The following PDSS2 variants were observed in gnomAD, a reference collection of about 807,000 sequenced individuals.
The protein encoded by PDSS2 is decaprenyl diphosphate synthase subunit 2.
Under a neutral mutation model 44.5 loss-of-function variants are expected in PDSS2, and 31 were observed. The observed-to-expected ratio is 0.70, with a 90% confidence interval of 0.52 to 0.94. PDSS2 has a LOEUF of 0.94. Among genes scored for constraint, PDSS2 ranks in the 40% least tolerant of loss-of-function variants. The pLI, the probability that PDSS2 is intolerant of heterozygous loss-of-function variation, is 0.00. For missense variants in PDSS2, 452 were observed against 482.2 expected (o/e 0.94, Z 0.59); for synonymous variants, 157 against 180.3 (o/e 0.87, Z 1.03).
chr6:107,405,135 T>C (rs899525427), intron 1 of PDSS2, among the ~76,000 whole-genome samples: 6 of 150,232 alleles, frequency 4.0e-5, no homozygotes, highest in Non-Finnish European at 5.9e-5. Flanking sequence ...AATTTTAAAA[T>C]GCTTAAAGAA....
At chr6:107,376,013 T>C (rs999933397) in intron 1 of PDSS2, among the ~76,000 whole-genome samples, 11 of 152,230 alleles carry the variant, frequency 7.2e-5, no homozygotes, top group Admixed American at 6.5e-4. Context: ...ATTTATTAAA[T>C]AGGGAATCCT....
chr6:107,320,250 A>G (rs1392197106), intron 2 of PDSS2, among the ~76,000 whole-genome samples: 1 of 152,174 alleles, frequency 6.6e-6, no homozygotes, highest in East Asian at 1.9e-4. Context: ...TCTCACGTAC[A>G]GCCTCAAAAA....
chr6:107,199,879 C>T (rs1562369783), intron 6 of PDSS2, among the ~76,000 whole-genome samples: 3 of 152,126 alleles, frequency 2.0e-5, no homozygotes, highest in Admixed American at 1.3e-4. Context: ...TGATGCCTTA[C>T]ATGTAATTTT....
Position 107,186,669 on chromosome 6 carries a change from C to T in PDSS2, c.1041+7153G>A, listed in dbSNP as rs546355657. Among the ~76,000 whole-genome samples the T allele has an allele frequency of 8.1e-4, 123 of 151,980 alleles. 1 individual carries two copies. Among genetic ancestry groups the T allele is most frequent in the African/African-American group, 2.8e-3 (114 of 41,452 alleles). On this transcript the variant is annotated intron_variant, in intron 7 of 7. Transcript: ENST00000369037. Reference sequence around the variant, plus strand: ...GTTCCCCTCCCTGTGTCCATGTGTTCTCATTGTTCAACTCCCACTTATGAG... The same window carrying T: ...GTTCCCCTCCCTGTGTCCATGTGTTTTCATTGTTCAACTCCCACTTATGAG...
At chr6:107,457,028 CT>C (rs755830083) in intron 1 of PDSS2, among the ~76,000 whole-genome samples, 21 of 152,166 alleles carry the variant, frequency 1.4e-4, no homozygotes, top group Non-Finnish European at 2.1e-4. Flanking sequence ...TGTGTATCAT[CT>C]AGAATCTCTG....
At chr6:107,332,810 C>T (rs1177086146) in intron 2 of PDSS2, among the ~76,000 whole-genome samples, 1 of 152,186 alleles carries the variant, frequency 6.6e-6, no homozygotes, top group Non-Finnish European at 1.5e-5. Flanking sequence ...CATAAAAATG[C>T]TTAGTAACCT....
intron 7 of PDSS2, among the ~76,000 whole-genome samples, chr6:107,188,977 C>A (rs1167019597): frequency 1.3e-5 from 2 of 152,182 alleles, no homozygotes; most frequent in African/African-American, 2.4e-5. Context: ...GTGGCGTGAT[C>A]ACAACTCACT....
chr6:107,442,831 C>A (rs1318751633), intron 1 of PDSS2, among the ~76,000 whole-genome samples: 1 of 152,238 alleles, frequency 6.6e-6, no homozygotes, highest in Non-Finnish European at 1.5e-5. Flanking sequence ...TCCACTTCAT[C>A]TCCATCACTA....
intron 3 of PDSS2, among the ~76,000 whole-genome samples, chr6:107,259,660 A>G (rs1012963472): frequency 1.1e-4 from 17 of 151,066 alleles, no homozygotes; most frequent in Admixed American, 3.3e-4. Flanking sequence ...GGGCGACAGA[A>G]CAAGACTCTG....
intron 7 of PDSS2, among the ~76,000 whole-genome samples, chr6:107,167,445 A>AT (rs1554247751): frequency 2.6e-5 from 4 of 152,060 alleles, no homozygotes; most frequent in African/African-American, 7.2e-5. Flanking sequence ...GGATTCATTG[A>AT]TTTTTTGAAG....
intron 4 of PDSS2, among the ~76,000 whole-genome samples, chr6:107,237,897 G>GAAAA (rs71551306): frequency 1.2e-5 from 1 of 80,682 alleles, no homozygotes; most frequent in Non-Finnish European, 2.5e-5. Flanking sequence ...CTCCGTCTCT[G>GAAAA]AAAAAAAAAA....
intron 2 of PDSS2, among the ~76,000 whole-genome samples, chr6:107,316,550 T>G (rs981501442): frequency 6.6e-6 from 1 of 152,240 alleles, no homozygotes; most frequent in South Asian, 2.1e-4. Flanking sequence ...TAGGTGGTTT[T>G]GAGGCATTTA....
chr6:107,291,553 G>GT (rs1416427814), intron 2 of PDSS2, among the ~76,000 whole-genome samples: 3 of 150,226 alleles, frequency 2.0e-5, no homozygotes, highest in South Asian at 4.3e-4. Flanking sequence ...AGTAGAGACG[G>GT]GGGGGTCTCA....
chr6:107,325,075 A>T (rs189977423), intron 2 of PDSS2, among the ~76,000 whole-genome samples: 64 of 152,292 alleles, frequency 4.2e-4, no homozygotes, highest in Non-Finnish European at 8.8e-5. Flanking sequence ...CCTCTTTCAC[A>T]GCTTTTTATA....
At chr6:107,399,130 T>C (rs958252525) in intron 1 of PDSS2, among the ~76,000 whole-genome samples, 5 of 152,176 alleles carry the variant, frequency 3.3e-5, no homozygotes, top group African/African-American at 1.2e-4. Context: ...CAAGGCAACA[T>C]AATAAGGTAG....
intron 1 of PDSS2, among the ~76,000 whole-genome samples, chr6:107,363,536 T>G (rs1466482043): frequency 2.6e-5 from 4 of 151,984 alleles, no homozygotes; most frequent in Non-Finnish European, 4.4e-5. Context: ...GCTTCAGGAG[T>G]GAAGCTGCAC....
chr6:107,201,033 T>C (rs1319433501), intron 6 of PDSS2, among the ~76,000 whole-genome samples: 1 of 151,952 alleles, frequency 6.6e-6, no homozygotes, highest in Non-Finnish European at 1.5e-5. Flanking sequence ...ATAAATGGAA[T>C]CTATATTTCA....
chr6:107,242,014 A>G (rs991193914), intron 4 of PDSS2, among the ~76,000 whole-genome samples: 2 of 152,180 alleles, frequency 1.3e-5, no homozygotes, highest in South Asian at 4.1e-4. Context: ...AAACCTTGAA[A>G]GCACTCCATG....
At chr6:107,178,120 T>C (rs1771857170) in intron 7 of PDSS2, among the ~76,000 whole-genome samples, 2 of 152,238 alleles carry the variant, frequency 1.3e-5, no homozygotes, top group Admixed American at 1.3e-4. Context: ...CATGTGATCC[T>C]AGATTCCTAG....
Sources: gnomAD v4.1 joint callset for allele counts (sites outside exome capture counted in the v4.1 genomes callset) on GRCh38, gnomAD v4.1.1 for gene constraint, MANE v1.5 for transcripts, NCBI Gene and HGNC (gene_info 2026-07-23, HGNC 2026-07-21) for gene names.